EDIL3: variants seen among roughly 807,000 people sequenced by gnomAD.
The protein encoded by EDIL3 is EGF like and discoidin domains 3.
Under a neutral mutation model 67.4 loss-of-function variants are expected in EDIL3, and 37 were observed. That is an observed-to-expected ratio of 0.55 (90% CI 0.42 to 0.72). The LOEUF (loss-of-function observed/expected upper bound fraction) is 0.72, where lower values mean the gene tolerates loss of function less well. Among genes scored for constraint, EDIL3 ranks in the 30% least tolerant of loss-of-function variants. The pLI is 0.00. For missense variants in EDIL3, 527 were observed against 586.3 expected (o/e 0.90, Z 1.04); for synonymous variants, 195 against 196.3 (o/e 0.99, Z 0.05).
At chr5:84,357,687 G>A (rs1029516968) in intron 1 of EDIL3, among the ~76,000 whole-genome samples, 3 of 151,984 alleles carry the variant, frequency 2.0e-5, no homozygotes, top group African/African-American at 7.2e-5. Flanking sequence ...TCAGGACTTC[G>A]AAACCAGCCT....
chr5:84,026,039 C>T (rs977238999), intron 9 of EDIL3, among the ~76,000 whole-genome samples: 3 of 152,166 alleles, frequency 2.0e-5, no homozygotes, highest in South Asian at 2.1e-4. Context: ...TGCTACTCAA[C>T]GTGTGGTCTC....
At chr5:83,966,249 A>C (rs1442518394) in intron 9 of EDIL3, among the ~76,000 whole-genome samples, 1 of 152,092 alleles carries the variant, frequency 6.6e-6, no homozygotes, top group Non-Finnish European at 1.5e-5. Context: ...GGCTTCATGC[A>C]CTGCATGCAC....
intron 2 of EDIL3, among the ~76,000 whole-genome samples, chr5:84,240,463 T>C (rs994267460): frequency 3.9e-5 from 6 of 152,154 alleles, no homozygotes; most frequent in Non-Finnish European, 7.3e-5. Flanking sequence ...CATGAACCGG[T>C]ATGGGTCCCT....
chr5:84,212,359 A>T (rs969051581), intron 3 of EDIL3, among the ~76,000 whole-genome samples: 2 of 152,226 alleles, frequency 1.3e-5, no homozygotes, highest in African/African-American at 4.8e-5. Flanking sequence ...AACCATTCCA[A>T]TTGCATCCAG....
At position 84,060,303 on chromosome 5, in the gene EDIL3, T is replaced by C. The variant is rs752216203; in HGVS notation, c.1134A>G (p.Leu378=). The C allele has an allele frequency of 4.3e-6, 7 of 1,613,208 alleles. No individual in the cohort carries two copies. In the African/African-American group the frequency reaches 8.0e-5, roughly 18 times the overall value. ...AAACAGTTTTGGAAAACTTTACCTG[T>C]AACCATTGTGACTGGTCATTGTGGC... ...TSGHNDQSQW[L]QVDLLVPTKV... Residue 378 remains leucine, a synonymous_variant, in exon 9 of 11, where the codon TTA becomes TTG. Transcript: ENST00000296591.
Position 84,180,459 on chromosome 5 carries a change from C to T in EDIL3, c.289G>A (p.Gly97Arg), listed in dbSNP as rs1164204105. ...GTCEISEAYR[G>R]DTFIGYVCKC... The stretch of plus-strand genomic sequence containing the variant: ...CAAACATAGCCTATGAATGTATCCC[C>T]TCGGTATGCTTCACTTATTTCACAG... Residue 97 changes from glycine to arginine, a missense_variant, in exon 4 of 11, where the codon GGG becomes AGG. Gly to Arg is a moderately radical substitution (Grantham distance 125, BLOSUM62 -2). Around this residue, in one of 2 missense-constraint regions of EDIL3, gnomAD observed 494 missense variants for 522.5 expected, o/e 0.95. Transcript: ENST00000296591. 1 of 1,608,984 alleles carries T rather than the reference C, an allele frequency of 6.2e-7. No homozygotes were observed. The highest frequency in any genetic ancestry group is 2.2e-5 in the East Asian group (1 of 44,672).
chr5:84,073,377 T>C (rs1451454731), intron 6 of EDIL3, among the ~76,000 whole-genome samples: 5 of 152,260 alleles, frequency 3.3e-5, no homozygotes, highest in East Asian at 3.9e-4. Context: ...AAATAAAGTG[T>C]ATTCAATTAG....
rs114011301 is a variant in EDIL3 at position 84,035,626 on chromosome 5, T to C, written c.1137+24674A>G. Among the ~76,000 whole-genome samples, 846 of 152,282 alleles carry C rather than the reference T, an allele frequency of 5.6e-3. 9 individuals carry two copies. Among genetic ancestry groups the C allele is most frequent in the African/African-American group, 0.02 (812 of 41,560 alleles). ...TAATGTAACAAAAGTTCCTATCAAA[T>C]TGTAAGAAACTAAACTTCTTTCAGT... On this transcript the variant is annotated intron_variant, in intron 9 of 10. Coordinates refer to ENST00000296591, the MANE Select transcript of EDIL3 (RefSeq NM_005711.5).
chr5:83,983,120 T>TTTAGTCAGG (rs1278677764), intron 9 of EDIL3, among the ~76,000 whole-genome samples: 1 of 152,140 alleles, frequency 6.6e-6, no homozygotes, highest in East Asian at 1.9e-4. Flanking sequence ...TAGTATGGGT[T>TTTAGTCAGG]TTAGTCAGGT....
intron 9 of EDIL3, among the ~76,000 whole-genome samples, chr5:84,052,884 C>T (rs1486338425): frequency 3.3e-5 from 5 of 152,140 alleles, no homozygotes; most frequent in Non-Finnish European, 7.4e-5. Context: ...CCACTGTCAA[C>T]ATTAGACAGA....
chr5:84,294,077 A>G (rs1330570465), intron 1 of EDIL3, among the ~76,000 whole-genome samples: 1 of 151,892 alleles, frequency 6.6e-6, no homozygotes, highest in African/African-American at 2.4e-5. Flanking sequence ...CATATACCAT[A>G]ATGACCATAA....
chr5:84,045,185 C>T (rs930676774), intron 9 of EDIL3, among the ~76,000 whole-genome samples: 5 of 152,154 alleles, frequency 3.3e-5, no homozygotes, highest in African/African-American at 1.2e-4. Flanking sequence ...AAACTGCCCC[C>T]ATGATTTAAT....
intron 1 of EDIL3, among the ~76,000 whole-genome samples, chr5:84,341,437 C>T (rs930268995): frequency 1.3e-5 from 2 of 152,062 alleles, no homozygotes; most frequent in Non-Finnish European, 2.9e-5. Context: ...AGAATCAAAA[C>T]AGAGCTCAGC....
chr5:84,318,997 T>C (rs183890223), intron 1 of EDIL3, among the ~76,000 whole-genome samples: 1 of 152,242 alleles, frequency 6.6e-6, no homozygotes, highest in African/African-American at 2.4e-5. Context: ...GCAAATGATA[T>C]GAACAGACAC....
chr5:84,325,445 C>G (rs762329683), intron 1 of EDIL3, among the ~76,000 whole-genome samples: 1 of 151,836 alleles, frequency 6.6e-6, no homozygotes, highest in Non-Finnish European at 1.5e-5. Flanking sequence ...TATCACCTCA[C>G]AACCATTAGG....
At chr5:84,360,428 A>G (rs1468923099) in intron 1 of EDIL3, among the ~76,000 whole-genome samples, 1 of 152,190 alleles carries the variant, frequency 6.6e-6, no homozygotes, top group African/African-American at 2.4e-5. Context: ...TAAATACCGA[A>G]GTTTGACAAA....
chr5:84,080,807 A>T (rs1746952660), intron 6 of EDIL3, among the ~76,000 whole-genome samples: 1 of 152,196 alleles, frequency 6.6e-6, no homozygotes, highest in African/African-American at 2.4e-5. Flanking sequence ...GACGTAGTTT[A>T]TCTAAGAAAC....
chr5:84,006,753 T>C (rs1317153195), intron 9 of EDIL3, among the ~76,000 whole-genome samples: 2 of 152,172 alleles, frequency 1.3e-5, no homozygotes, highest in Admixed American at 1.3e-4. Context: ...TGTTTCCAGT[T>C]AATTACTTGA....
chr5:84,166,018 T>C (rs1748697498), intron 4 of EDIL3, among the ~76,000 whole-genome samples: 1 of 152,172 alleles, frequency 6.6e-6, no homozygotes, highest in African/African-American at 2.4e-5. Context: ...CCCTCTCTCC[T>C]TTGCATACTA....
Sources: gnomAD v4.1 joint callset for allele counts (sites outside exome capture counted in the v4.1 genomes callset) on GRCh38, gnomAD v4.1.1 for gene constraint, gnomAD v4.1.1 regional missense constraint, MANE v1.5 for transcripts, NCBI Gene and HGNC (gene_info 2026-07-23, HGNC 2026-07-21) for gene names.